PRDM15: variants seen among roughly 807,000 people sequenced by gnomAD.
PRDM15 encodes PR domain zinc finger protein 15.
A neutral mutation model predicts 128.6 loss-of-function variants in PRDM15; 64 were observed. The observed-to-expected ratio is 0.50, with a 90% CI of 0.41 to 0.61. PRDM15 has a LOEUF of 0.61. PRDM15 is among the 20% of genes least tolerant of loss of function. The pLI, the probability that PRDM15 is intolerant of heterozygous loss-of-function variation, is 0.00. For synonymous variants in PRDM15, 615 were observed against 621.8 expected (o/e 0.99, Z 0.16); for missense variants, 1,242 against 1,569.1 (o/e 0.79, Z 3.52).
chr21:41,804,926 G>A (rs1475022527), intron 21 of PRDM15, among the ~76,000 whole-genome samples: 1 of 152,212 alleles, frequency 6.6e-6, no homozygotes, highest in Non-Finnish European at 1.5e-5. Context: ...AGGTTTCAGT[G>A]GCGCTTCTGT....
chr21:41,843,950 TAA>T (rs1555883669), intron 6 of PRDM15, among the ~76,000 whole-genome samples: 4,415 of 123,196 alleles, frequency 0.036, 204 homozygotes, highest in African/African-American at 0.12. Flanking sequence ...CCTTGTATTG[TAA>T]AAAAAAAAAA....
chr21:41,831,229 G>A (rs1348059284), intron 11 of PRDM15, among the ~76,000 whole-genome samples: 1 of 152,236 alleles, frequency 6.6e-6, no homozygotes, highest in Admixed American at 6.5e-5. Flanking sequence ...TGCTGCCCGA[G>A]GGAGCCGCCA....
Position 41,879,210 on chromosome 21 carries a change from G to C in PRDM15, c.-10+60C>G. 1.3e-6 allele frequency: 1 copy of C among 780,210 alleles called. No homozygotes were observed. Among genetic ancestry groups the C allele is most frequent in the Non-Finnish European group, 1.6e-6 (1 of 645,034 alleles). The allele number at this position is 780,210 out of a possible 1,614,324, so 48.3% of individuals were successfully genotyped here. A position where few individuals can be genotyped will look rare whatever the true frequency, so the allele number is the denominator to read the frequency against. On this transcript the variant is annotated intron_variant, in intron 1 of 23. Transcript: ENST00000398548. The surrounding 1 kb of genome is among the most constrained non-coding windows in gnomAD (Gnocchi z 5.1). Reference sequence around the variant, plus strand: ...GGGGCTCGCGGGGGCAGCGGGTGCGGCCCGGGGCCGGCGGGGCGCACGCCG... The same window carrying C: ...GGGGCTCGCGGGGGCAGCGGGTGCGCCCCGGGGCCGGCGGGGCGCACGCCG...
chr21:41,819,334 T>C (rs539641292), intron 18 of PRDM15, among the ~76,000 whole-genome samples: 1 of 127,736 alleles, frequency 7.8e-6, no homozygotes, highest in African/African-American at 3.0e-5. Flanking sequence ...CACCCACCTT[T>C]CCCACACTCC....
intron 21 of PRDM15, among the ~76,000 whole-genome samples, chr21:41,809,637 T>G (rs1231172905): frequency 6.6e-6 from 1 of 152,210 alleles, no homozygotes. Context: ...AGTCTACTCT[T>G]TTCTGTGACC....
In PRDM15 at chr21:41,836,585, C is replaced by A. The variant is rs774816793; in HGVS notation, c.1066G>T (p.Gly356Cys). 1 of 1,613,340 alleles carries A rather than the reference C, an allele frequency of 6.2e-7. No individual in the cohort carries two copies. Among genetic ancestry groups the A allele is most frequent in the East Asian group, 2.2e-5 (1 of 44,756 alleles). ...KRSLILSSRH[G>C]IRRKLIKQLG... The stretch of plus-strand genomic sequence containing the variant: ...TGTTTGATGAGCTTGCGCCGGATGC[C>A]GTGTCTGCTTGAGAGAATTAAGCTC... Residue 356 changes from glycine (G) to cysteine (C), a missense_variant, in exon 9 of 24, where the codon GGC becomes TGC. Physicochemically the swap from Gly to Cys is radical, Grantham distance 159. Transcript: ENST00000398548.
At chr21:41,803,844 T>TA (rs964942053) in intron 22 of PRDM15, among the ~76,000 whole-genome samples, 9 of 151,214 alleles carry the variant, frequency 6.0e-5, no homozygotes, top group African/African-American at 1.9e-4. Context: ...CTCTTTGAAA[T>TA]AAAAAAAAAT....
Position 41,823,436 on chromosome 21 carries a change from C to A in PRDM15, c.1643G>T (p.Arg548Leu). The change falls in exon 14 of 24, where the codon CGG becomes CTG. Residue 548 changes from arginine to leucine, a missense_variant. By Grantham distance (102) the Arg-to-Leu change is moderately radical. Coordinates refer to ENST00000398548, the MANE Select transcript of PRDM15 (RefSeq NM_001040424.3). ...CPVCGKVFSC[R>L]SNMNKHLLTH... ...GAGCAGGTGCTTGTTCATATTGCTC[C>A]GGCAGGAGAACACCTGTGGCAGAGG... The A allele has an allele frequency of 1.3e-6, 2 of 1,552,626 alleles. No homozygotes were observed. Among genetic ancestry groups the A allele is most frequent in the South Asian group, 1.2e-5 (1 of 84,110 alleles).
rs1036434289 is a variant in PRDM15 at position 41,862,395 on chromosome 21, C to T, written c.-9-2023G>A. Among the ~76,000 whole-genome samples, 1 of 152,158 alleles carries T rather than the reference C, an allele frequency of 6.6e-6. No individual in the cohort carries two copies. Among genetic ancestry groups the T allele is most frequent in the South Asian group, 2.1e-4 (1 of 4,830 alleles). On this transcript the variant is annotated intron_variant, in intron 1 of 23. Coordinates refer to ENST00000398548, the MANE Select transcript of PRDM15 (RefSeq NM_001040424.3). The surrounding 1 kb of genome is among the most constrained non-coding windows in gnomAD (Gnocchi z 4.1). ...GAGGCCTTGTGTGGCCGCCTCTCCC[C>T]GGGGCAGACCTTGCCTCTGGCCTAC...
intron 5 of PRDM15, among the ~76,000 whole-genome samples, chr21:41,850,600 G>A (rs1281056236): frequency 6.6e-6 from 1 of 152,102 alleles, no homozygotes; most frequent in Non-Finnish European, 1.5e-5. Flanking sequence ...TGGGTGTGGT[G>A]GCACATCCCT....
In PRDM15 at chr21:41,810,046, C is replaced by T. The variant is rs994206498; in HGVS notation, c.2652+108G>A. On this transcript the variant is annotated intron_variant, in intron 21 of 23. Coordinates refer to ENST00000398548, the MANE Select transcript of PRDM15 (RefSeq NM_001040424.3). This position sits in a 1 kb window ranked among gnomAD's most constrained non-coding sequence, Gnocchi z 6.4. ...AGACGCACCTAAGACTCAGGGCCTG[C>T]CTCCAGTACTGGGGGTCTGCAGAGG... 4.9e-5 allele frequency: 55 copies of T among 1,125,590 alleles called. 1 individual carries two copies. The highest frequency in any genetic ancestry group is 5.7e-5 in the Non-Finnish European group (45 of 794,840). 69.7% of individuals were successfully genotyped at this position (1,125,590 alleles called of 1,614,324 possible).
At chr21:41,874,714 A>C (rs1452933898) in intron 1 of PRDM15, 1 of 151,928 alleles carries the variant, frequency 6.6e-6, no homozygotes, top group Non-Finnish European at 1.5e-5. Flanking sequence ...GTTTGCCGTG[A>C]GCCGCATCAC....
chr21:41,836,163 G>A lies in PRDM15; in HGVS notation c.1228C>T (p.Arg410Cys), dbSNP rs901074349. Residue 410 changes from arginine (R) to cysteine (C), a missense_variant, in exon 10 of 24, where the codon CGC becomes TGC. Transcript: ENST00000398548. The part of the protein sequence containing the change: ...KCEECAKLFS[R>C]KESLKQHVSY... ...ACGTGCTGCTTTAGGCTCTCTTTGCGGCTGAACAATTTTGCACACTCTTCG... is the reference window on the plus strand; with the variant it reads ...ACGTGCTGCTTTAGGCTCTCTTTGCAGCTGAACAATTTTGCACACTCTTCG... The A allele has an allele frequency of 2.3e-5, 37 of 1,613,774 alleles. No homozygotes were observed. The highest frequency in any genetic ancestry group is 3.1e-5 in the Non-Finnish European group (37 of 1,179,968).
intron 6 of PRDM15, among the ~76,000 whole-genome samples, chr21:41,841,858 T>C (rs997901192): frequency 2.0e-5 from 3 of 152,238 alleles, no homozygotes; most frequent in African/African-American, 7.2e-5. Flanking sequence ...ATTTTTCTAT[T>C]TCTCCTCGTA....
At chr21:41,804,169 G>A (rs1331231919) in intron 22 of PRDM15, among the ~76,000 whole-genome samples, 1 of 152,162 alleles carries the variant, frequency 6.6e-6, no homozygotes, top group African/African-American at 2.4e-5. Context: ...TTGCCACGTT[G>A]GCCAGGCTGG....
chr21:41,810,099 TGTCCG>T lies in PRDM15; in HGVS notation c.2652+50_2652+54del. The T allele has an allele frequency of 5.2e-6, 8 of 1,542,778 alleles. No homozygotes were observed. The highest frequency in any genetic ancestry group is 7.0e-6 in the Non-Finnish European group (8 of 1,140,266). On this transcript the variant is annotated intron_variant, in intron 21 of 23. Transcript: ENST00000398548. The surrounding 1 kb of genome is among the most constrained non-coding windows in gnomAD (Gnocchi z 6.4). ...GGTGGGCCATGTGCCAGCATGGGGG[TGTCCG>T]GTGCGCGGCCCGCTGGCGGGGCACG...
intron 7 of PRDM15, 44 bp from the exon 8 acceptor site, chr21:41,838,107 G>A (rs1474502791): frequency 3.7e-6 from 6 of 1,606,736 alleles, no homozygotes; most frequent in Non-Finnish European, 4.2e-6. Flanking sequence ...ACAAGAGCAG[G>A]GGACAAACAC....
At position 41,859,701 on chromosome 21, in the gene PRDM15, C is replaced by G; in HGVS notation, c.38-16G>C. 1 of 1,610,384 alleles carries G rather than the reference C, an allele frequency of 6.2e-7. No individual in the cohort carries two copies. The highest frequency in any genetic ancestry group is 8.5e-7 in the Non-Finnish European group (1 of 1,177,244). On this transcript the variant is annotated splice_polypyrimidine_tract_variant and intron_variant, in intron 2 of 23. Transcript: ENST00000398548. The surrounding 1 kb of genome is among the most constrained non-coding windows in gnomAD (Gnocchi z 5.3). ...TCTTCACACCCTGCAAGCAGACATC[C>G]GGGCATTAGAGCACCCAGGGAGGGA...
rs1305535639 is a variant in PRDM15, at chr21:41,801,281, C to T, written c.3385G>A (p.Val1129Met). ...TGCTGCTGCTGCTGCTCCGCCTGCA[C>T]CTGGGGCTGGGCCGCCTGCTGTGGG... ...APPQQAAQPQ[V>M]QAEQQQQQMY... is the part of the protein sequence containing the mutation. Residue 1129 changes from valine (V) to methionine (M), a missense_variant, in exon 24 of 24, where the codon GTG becomes ATG. Transcript: ENST00000398548. 6.5e-7 allele frequency: 1 copy of T among 1,548,294 alleles called. No homozygotes were observed.
Sources: allele counts gnomAD v4.1 joint callset (sites outside exome capture counted in the v4.1 genomes callset), GRCh38; gene constraint gnomAD v4.1.1; non-coding constraint Gnocchi (gnomAD v3.1); transcripts MANE v1.5; gene names NCBI Gene and HGNC (gene_info 2026-07-23, HGNC 2026-07-21).